The following UGT1A10 variants were observed in gnomAD, a reference collection of about 807,000 sequenced individuals.
The protein encoded by UGT1A10 is UDP glucuronosyltransferase family 1 member A10, also known as UDP-glucuronosyltransferase 1A10.
A neutral mutation model predicts 45.8 loss-of-function variants in UGT1A10; 49 were observed. The observed-to-expected ratio is 1.07, with a 90% CI of 0.85 to 1.36. The LOEUF (loss-of-function observed/expected upper bound fraction) is 1.36, where lower values mean the gene tolerates loss of function less well. UGT1A10 is among the 40% of genes most tolerant of loss of function. The pLI, the probability that UGT1A10 is intolerant of heterozygous loss-of-function variation, is 0.00. For synonymous variants in UGT1A10, 284 were observed against 249.7 expected, an observed-to-expected ratio of 1.14 and a Z score of -1.29; for missense variants, 745 against 668.6, an observed-to-expected ratio of 1.11 and a Z score of -1.26.
chr2:233,768,582 CTTTTTTTT>C (rs139595073), intron 4 of UGT1A10, 143 bp downstream of exon 4: 33 of 1,033,056 alleles, frequency 3.2e-5, no homozygotes, highest in Middle Eastern at 4.0e-4. Context: ...TTTATTTCTT[CTTTTTTTT>C]TTTTTTTTTT....
chr2:233,639,525 G>T (rs1303105396), intron 1 of UGT1A10, among the ~76,000 whole-genome samples: 1 of 152,200 alleles, frequency 6.6e-6, no homozygotes, highest in African/African-American at 2.4e-5. Flanking sequence ...TGGGAAACAG[G>T]ATTCAGAGTC....
In UGT1A10 at chr2:233,682,143, C is replaced by T. The variant is rs1352852868; in HGVS notation, c.855+44766C>T. The T allele has an allele frequency of 3.7e-6, 6 of 1,614,178 alleles. No individual in the cohort carries two copies. In the East Asian group the frequency reaches 1.3e-4, roughly 36 times the overall value. Reference sequence around the variant, plus strand: ...GAGGTGAGTTGGCAACTGGGAAGATCACTGAATTGCACAGTGAAGACTTAC... The same window carrying T: ...GAGGTGAGTTGGCAACTGGGAAGATTACTGAATTGCACAGTGAAGACTTAC... On this transcript the variant is annotated intron_variant, in intron 1 of 4. Coordinates refer to ENST00000344644, the MANE Select transcript of UGT1A10 (RefSeq NM_019075.4).
chr2:233,682,007 A>G (rs1352564379), intron 1 of UGT1A10: 14 of 1,614,026 alleles, frequency 8.7e-6, no homozygotes, highest in South Asian at 2.2e-5. Context: ...TGGCTTTGCC[A>G]AGGCAGGGAA....
At chr2:233,684,703 G>A (rs1041590972) in intron 1 of UGT1A10, among the ~76,000 whole-genome samples, 1 of 151,968 alleles carries the variant, frequency 6.6e-6, no homozygotes, top group Admixed American at 6.6e-5. Flanking sequence ...GGAAGGTTAT[G>A]TATTAATGTA....
intron 1 of UGT1A10, among the ~76,000 whole-genome samples, chr2:233,676,524 C>A (rs1427751934): frequency 6.6e-6 from 1 of 152,146 alleles, no homozygotes; most frequent in Non-Finnish European, 1.5e-5. Context: ...CTTCAGATTT[C>A]ATTAATTTTT....
intron 1 of UGT1A10, chr2:233,761,239 G>A (rs147865713): frequency 6.2e-7 from 1 of 1,612,198 alleles, no homozygotes; most frequent in Admixed American, 1.7e-5. Context: ...TATATGCTGA[G>A]CAAGCATTCT....
Position 233,636,764 on chromosome 2 carries a change from A to G in UGT1A10, c.242A>G (p.Tyr81Cys), listed in dbSNP as rs751730812. ...NCTVKTYSTS[Y>C]TLEDQNREFM... is the part of the protein sequence containing the mutation. ...ACAGTGAAGACTTACTCAACCTCGT[A>G]CACTCTGGAAGATCAGAACCGGGAA... Residue 81 changes from tyrosine to cysteine, a missense_variant, in exon 1 of 5, where the codon TAC becomes TGC. Transcript: ENST00000344644. 7.4e-6 allele frequency: 12 copies of G among 1,614,216 alleles called. No homozygotes were observed. The highest frequency in any genetic ancestry group is 1.0e-5 in the Non-Finnish European group (12 of 1,180,042).
intron 1 of UGT1A10, chr2:233,682,549 G>A (rs147392032): frequency 2.9e-4 from 473 of 1,613,794 alleles, no homozygotes; most frequent in Non-Finnish European, 3.7e-4. Flanking sequence ...TGACTTTCAA[G>A]GAGAGAGTAT....
At chr2:233,689,706 T>G (rs1017281104) in intron 1 of UGT1A10, among the ~76,000 whole-genome samples, 1 of 152,204 alleles carries the variant, frequency 6.6e-6, no homozygotes, top group Non-Finnish European at 1.5e-5. Flanking sequence ...TATTTCCCCT[T>G]ATCTGAGGTC....
chr2:233,740,930 T>G (rs1298950917), intron 1 of UGT1A10: 2 of 151,696 alleles, frequency 1.3e-5, no homozygotes, highest in African/African-American at 2.4e-5. Flanking sequence ...ACAAAAAGTT[T>G]TTTTTTTAAT....
chr2:233,718,793 C>G (rs375687360), intron 1 of UGT1A10: 30 of 1,613,028 alleles, frequency 1.9e-5, no homozygotes, highest in South Asian at 4.4e-5. Flanking sequence ...GTGGGGTGGA[C>G]AGTCAGCTGT....
intron 1 of UGT1A10, among the ~76,000 whole-genome samples, chr2:233,638,860 T>C (rs529970469): frequency 6.6e-6 from 1 of 152,318 alleles, no homozygotes; most frequent in South Asian, 2.1e-4. Context: ...CTTTCAAAAT[T>C]AGGCATGACT....
chr2:233,648,726 A>G (rs1223975665), intron 1 of UGT1A10: 2 of 486,090 alleles, frequency 4.1e-6, no homozygotes, highest in Admixed American at 2.6e-5. Flanking sequence ...GGCCTCCCAA[A>G]GTGCTGGAAT....
intron 1 of UGT1A10, among the ~76,000 whole-genome samples, chr2:233,661,166 C>CT (rs35723461): frequency 0.29 from 43,323 of 150,954 alleles, 6,563 homozygotes; most frequent in East Asian, 0.52. Context: ...TAGTTTCAGA[C>CT]TTTTTTTTTC....
chr2:233,702,653 G>A (rs746758622), intron 1 of UGT1A10, among the ~76,000 whole-genome samples: 35 of 152,040 alleles, frequency 2.3e-4, no homozygotes, highest in Non-Finnish European at 4.7e-4. Flanking sequence ...TTCCTAGCTC[G>A]TTGAGTATTC....
chr2:233,760,729 A>G lies in UGT1A10; in HGVS notation c.856-6305A>G, dbSNP rs1289728507. On this transcript the variant is annotated intron_variant, in intron 1 of 4. Coordinates refer to ENST00000344644, the MANE Select transcript of UGT1A10 (RefSeq NM_019075.4). ...CCTGGCAGAAAGCAGCTTTGATGTCATGCTGACGGACCCTTTCCTTCCTTG... is the reference window on the plus strand; with the variant it reads ...CCTGGCAGAAAGCAGCTTTGATGTCGTGCTGACGGACCCTTTCCTTCCTTG... 1.9e-6 allele frequency: 3 copies of G among 1,614,196 alleles called. No individual in the cohort carries two copies. The Admixed American group carries it at 5.0e-5, about 27-fold the overall frequency.
chr2:233,674,878 ACACTT>A (rs1431426199), intron 1 of UGT1A10, among the ~76,000 whole-genome samples: 7 of 152,188 alleles, frequency 4.6e-5, no homozygotes, highest in Non-Finnish European at 8.8e-5. Flanking sequence ...AGAAGGATGG[ACACTT>A]CATATTGCTC....
chr2:233,672,529 G>C, intron 1 of UGT1A10: 2 of 1,613,928 alleles, frequency 1.2e-6, no homozygotes, highest in East Asian at 2.2e-5. Flanking sequence ...AGGGTTCTCA[G>C]ATGCCATGAC....
At chr2:233,735,728 T>G (rs1486359906) in intron 1 of UGT1A10, among the ~76,000 whole-genome samples, 42 of 152,184 alleles carry the variant, frequency 2.8e-4, no homozygotes, top group Admixed American at 2.7e-3. Context: ...CTCTCAGCAT[T>G]TGCTTGTCTA....
Sources: gnomAD v4.1 joint callset for allele counts (sites outside exome capture counted in the v4.1 genomes callset) on GRCh38, gnomAD v4.1.1 for gene constraint, MANE v1.5 for transcripts, NCBI Gene and HGNC (gene_info 2026-07-23, HGNC 2026-07-21) for gene names.